ZDHHC22: variants seen among roughly 807,000 people sequenced by gnomAD.
ZDHHC22 encodes the protein palmitoyltransferase ZDHHC22.
ZDHHC22 carries 13 observed loss-of-function variants against 17.0 expected under a neutral mutation model. The observed-to-expected ratio is 0.76, with a 90% CI of 0.50 to 1.21. ZDHHC22 has a LOEUF of 1.21. Among genes scored for constraint, ZDHHC22 ranks in the 50% most tolerant of loss-of-function variants. The pLI is 0.00. For synonymous variants in ZDHHC22, 138 were observed against 154.7 expected (o/e 0.89, Z 0.80); for missense variants, 319 against 342.3 (o/e 0.93, Z 0.54).
rs139312556 is a variant in ZDHHC22, at chr14:77,136,352, A to G, written c.527-2404T>C. ...TGATAATATGGACTTGTCAAGAGGA[A>G]TGGGTGAAATGTGACATGCATAGTG... On this transcript the variant is annotated intron_variant, in intron 2 of 2. Transcript: ENST00000319374. 2.3e-3 allele frequency among the ~76,000 whole-genome samples: 348 copies of G among 152,352 alleles called. 1 individual carries two copies. The highest frequency in any genetic ancestry group is 8.1e-3 in the African/African-American group (335 of 41,576).
intron 2 of ZDHHC22, among the ~76,000 whole-genome samples, chr14:77,135,565 G>A (rs1054323049): frequency 1.3e-5 from 2 of 152,156 alleles, no homozygotes; most frequent in Admixed American, 1.3e-4. Context: ...AGTGGGACAG[G>A]GCTCACATTG....
Position 77,139,708 on chromosome 14 carries a change from C to G in ZDHHC22, c.31G>C (p.Ala11Pro). The change falls in exon 2 of 3, where the codon GCC becomes CCC. Residue 11 changes from alanine to proline, a missense_variant. By Grantham distance (27) the Ala-to-Pro change is conservative. Coordinates refer to ENST00000319374, the MANE Select transcript of ZDHHC22 (RefSeq NM_174976.2). MLALRLLNVV[A>P]PAYFLCISLV... ...GAGATGCACAAGAAGTAGGCGGGGG[C>G]CACCACGTTGAGCAGCCGCAGGGCC... The G allele has an allele frequency of 6.6e-7, 1 of 1,521,928 alleles. No homozygotes were observed. Among genetic ancestry groups the G allele is most frequent in the Non-Finnish European group, 8.8e-7 (1 of 1,134,956 alleles). The allele number at this position is 1,521,928 out of a possible 1,614,324, so 94.3% of individuals were successfully genotyped here.
chr14:77,139,571 G>C lies in ZDHHC22; in HGVS notation c.168C>G (p.Phe56Leu), dbSNP rs1887207091. Residue 56 changes from phenylalanine to leucine, a missense_variant, in exon 2 of 3, where the codon TTC becomes TTG. Physicochemically the swap from Phe to Leu is conservative, Grantham distance 22. Transcript: ENST00000319374. ...AATTGCCCAGGGCGTTGGCCGAGAG[G>C]AATAGGAAGAGCGCCCCGTGGAGCA... ...PALLHGALFL[F>L]LSANALGNYV... 1 of 1,600,182 alleles carries C rather than the reference G, an allele frequency of 6.2e-7. No homozygotes were observed. Among genetic ancestry groups the C allele is most frequent in the African/African-American group, 1.3e-5 (1 of 74,810 alleles).
At chr14:77,136,133 T>C (rs919388860) in intron 2 of ZDHHC22, among the ~76,000 whole-genome samples, 1 of 152,162 alleles carries the variant, frequency 6.6e-6, no homozygotes, top group East Asian at 1.9e-4. Flanking sequence ...GCTGCCTCCC[T>C]TCCAAAGTGG....
In ZDHHC22 at chr14:77,133,883, C is replaced by T. The variant is rs1887083140; in HGVS notation, c.592G>A (p.Ala198Thr). The T allele has an allele frequency of 1.2e-6, 2 of 1,612,520 alleles. No homozygotes were observed. Among genetic ancestry groups the T allele is most frequent in the Non-Finnish European group, 1.7e-6 (2 of 1,179,280 alleles). Reference protein sequence around the residue: ...MLYLWFAIGLACAGFCCHQLL... With the variant: ...MLYLWFAIGLTCAGFCCHQLL... The stretch of plus-strand genomic sequence containing the variant: ...TGGTGGCAGCAGAAGCCGGCGCAGG[C>T]CAGGCCGATGGCGAACCAGAGGTAG... Residue 198 changes from alanine to threonine, a missense_variant, in exon 3 of 3, where the codon GCC (alanine) becomes ACC (threonine). By Grantham distance (58) the Ala-to-Thr change is moderately conservative. Transcript: ENST00000319374.
At chr14:77,134,283 C>T (rs1461047464) in intron 2 of ZDHHC22, among the ~76,000 whole-genome samples, 1 of 152,140 alleles carries the variant, frequency 6.6e-6, no homozygotes, top group Non-Finnish European at 1.5e-5. Context: ...GTAGGAGATG[C>T]CTGTCTCTCT....
rs747924267 is a variant in ZDHHC22, at chr14:77,133,952, C to G, written c.527-4G>C. The G allele has an allele frequency of 1.3e-6, 2 of 1,564,168 alleles. No homozygotes were observed. Among genetic ancestry groups the G allele is most frequent in the Non-Finnish European group, 1.7e-6 (2 of 1,154,398 alleles). ...ATTTCAGAACCCAGGACAGCTCCTG[C>G]AGGGCACGGGGAGGGGAAACACCAG... On this transcript the variant is annotated splice_polypyrimidine_tract_variant and splice_region_variant and intron_variant, in intron 2 of 2. Coordinates refer to ENST00000319374, the MANE Select transcript of ZDHHC22 (RefSeq NM_174976.2).
Position 77,131,489 on chromosome 14 carries a change from G to A in ZDHHC22, c.*2194C>T, listed in dbSNP as rs1039497315. On this transcript the variant is annotated 3_prime_UTR_variant, in exon 3 of 3. Coordinates refer to ENST00000319374, the MANE Select transcript of ZDHHC22 (RefSeq NM_174976.2). Reference sequence around the variant, plus strand: ...TCAGGAGGCTGGAAATAGCAGGGCTGGCTTCTAAGCTTGAGCTCTGGAGCC... The same window carrying A: ...TCAGGAGGCTGGAAATAGCAGGGCTAGCTTCTAAGCTTGAGCTCTGGAGCC... The A allele has an allele frequency of 6.6e-6, 1 of 152,224 alleles. No homozygotes were observed. The highest frequency in any genetic ancestry group is 2.4e-5 in the African/African-American group (1 of 41,446). The allele number at this position is 152,224 out of a possible 1,614,324, so 9.4% of individuals were successfully genotyped here. A position where few individuals can be genotyped will look rare whatever the true frequency, so the allele number is the denominator to read the frequency against.
In ZDHHC22 at chr14:77,135,473, A is replaced by AT. The variant is rs35783518; in HGVS notation, c.527-1526dup. Among the ~76,000 whole-genome samples the AT allele has an allele frequency of 2.1e-3, 307 of 148,416 alleles. 1 individual carries two copies. Among genetic ancestry groups the AT allele is most frequent in the African/African-American group, 6.5e-3 (262 of 40,300 alleles). On this transcript the variant is annotated intron_variant, in intron 2 of 2. Transcript: ENST00000319374. ...CCCTAGGAGCTTGGATAGCTGTATTATTTTTTTTTTTTTTTACAAAGCTGG... is the reference window on the plus strand; with the variant it reads ...CCCTAGGAGCTTGGATAGCTGTATTATTTTTTTTTTTTTTTTACAAAGCTGG...
intron 1 of ZDHHC22, chr14:77,141,159 G>C (rs893158138): frequency 6.6e-6 from 1 of 152,192 alleles, no homozygotes; most frequent in Admixed American, 6.5e-5. Flanking sequence ...CACGCCCCCA[G>C]TCCTGCGCCG....
chr14:77,141,171 C>G (rs1566813300), intron 1 of ZDHHC22: 1 of 152,144 alleles, frequency 6.6e-6, no homozygotes, highest in Non-Finnish European at 1.5e-5. Flanking sequence ...CCTGCGCCGC[C>G]GGGGGCTGCG....
chr14:77,138,045 T>TG (rs1887172807), intron 2 of ZDHHC22, among the ~76,000 whole-genome samples: 1 of 152,030 alleles, frequency 6.6e-6, no homozygotes, highest in South Asian at 2.1e-4. Flanking sequence ...ATCTGAGAAA[T>TG]GGAGATAGCA....
intron 2 of ZDHHC22, among the ~76,000 whole-genome samples, chr14:77,134,716 A>G (rs1230245621): frequency 6.6e-6 from 1 of 152,116 alleles, no homozygotes; most frequent in Non-Finnish European, 1.5e-5. Flanking sequence ...GGTTTGAAAT[A>G]ACCACTGAGT....
chr14:77,131,923 T>C lies in ZDHHC22; in HGVS notation c.*1760A>G, dbSNP rs1887034954. On this transcript the variant is annotated 3_prime_UTR_variant, in exon 3 of 3. Transcript: ENST00000319374. ...AAATGTGAGCAGGTGGAGCCAATACTACATTAGCTCTCTAGGGGGTGTGAA... is the reference window on the plus strand; with the variant it reads ...AAATGTGAGCAGGTGGAGCCAATACCACATTAGCTCTCTAGGGGGTGTGAA... 1 of 152,240 alleles carries C rather than the reference T, an allele frequency of 6.6e-6. No homozygotes were observed. The highest frequency in any genetic ancestry group is 2.4e-5 in the African/African-American group (1 of 41,460). The allele number at this position is 152,240 out of a possible 1,614,324, so 9.4% of individuals were successfully genotyped here.
intron 2 of ZDHHC22, among the ~76,000 whole-genome samples, chr14:77,137,416 G>A (rs951148389): frequency 2.0e-5 from 3 of 152,288 alleles, no homozygotes; most frequent in Admixed American, 1.3e-4. Flanking sequence ...ACCATTTCAA[G>A]GTCTTCCTTC....
In ZDHHC22 at chr14:77,133,500, A is replaced by G; in HGVS notation, c.*183T>C. The stretch of plus-strand genomic sequence containing the variant: ...GGAGCCTAGAAATGCCTGGGGGGAC[A>G]TTTTTCCTCCTTGTCATGATCCACC... On this transcript the variant is annotated 3_prime_UTR_variant, in exon 3 of 3. Transcript: ENST00000319374. 1.2e-6 allele frequency: 1 copy of G among 861,682 alleles called. No homozygotes were observed. Among genetic ancestry groups the G allele is most frequent in the Non-Finnish European group, 1.7e-6 (1 of 601,944 alleles). 53.4% of individuals were successfully genotyped at this position (861,682 alleles called of 1,614,324 possible). A position where few individuals can be genotyped will look rare whatever the true frequency, so the allele number is the denominator to read the frequency against.
chr14:77,134,422 A>G (rs1887096931), intron 2 of ZDHHC22, among the ~76,000 whole-genome samples: 1 of 152,208 alleles, frequency 6.6e-6, no homozygotes, highest in South Asian at 2.1e-4. Context: ...CCTTCTCCCT[A>G]CTGTTCTGGG....
In ZDHHC22 at chr14:77,133,369, G is replaced by A; in HGVS notation, c.*314C>T. 3.1e-6 allele frequency: 1 copy of A among 321,472 alleles called. No homozygotes were observed. 19.9% of individuals were successfully genotyped at this position (321,472 alleles called of 1,614,324 possible). A position where few individuals can be genotyped will look rare whatever the true frequency, so the allele number is the denominator to read the frequency against. ...CAGACAGCAGTGATGAATGAGACAC[G>A]GTGGAGAATGGATGAGCCAGGAAGA... is the stretch of plus-strand genomic sequence containing the variant. On this transcript the variant is annotated 3_prime_UTR_variant, in exon 3 of 3. Coordinates refer to ENST00000319374, the MANE Select transcript of ZDHHC22 (RefSeq NM_174976.2).
chr14:77,139,805 G>T (rs1454766549), intron 1 of ZDHHC22, 53 bp from the exon 2 acceptor site: 29 of 1,434,724 alleles, frequency 2.0e-5, no homozygotes, highest in Non-Finnish European at 2.6e-5. Flanking sequence ...TCCAGGGGGC[G>T]CCCTCGCCCG....
Sources: gnomAD v4.1 joint callset for allele counts (sites outside exome capture counted in the v4.1 genomes callset) on GRCh38, gnomAD v4.1.1 for gene constraint, MANE v1.5 for transcripts, NCBI Gene and HGNC (gene_info 2026-07-23, HGNC 2026-07-21) for gene names.